TMPRSS11B: variants seen among roughly 807,000 people sequenced by gnomAD.
TMPRSS11B encodes transmembrane protease serine 11B.
In TMPRSS11B, 53 loss-of-function variants were observed where a neutral mutation model predicts 44.7. The ratio of observed to expected loss-of-function variants is 1.19; its 90% CI spans 0.95 to 1.49. TMPRSS11B has a LOEUF of 1.49. Among genes scored for constraint, TMPRSS11B ranks in the 40% most tolerant of loss-of-function variants. The pLI, the probability that TMPRSS11B is intolerant of heterozygous loss-of-function variation, is 0.00. For synonymous variants in TMPRSS11B, 140 were observed against 159.2 expected (o/e 0.88, Z 0.91); for missense variants, 526 against 494.8 (o/e 1.06, Z -0.60).
intron 4 of TMPRSS11B, among the ~76,000 whole-genome samples, chr4:68,235,388 G>A (rs1028678447): frequency 1.6e-4 from 25 of 152,144 alleles, no homozygotes; most frequent in African/African-American, 5.8e-4. Context: ...TGAGAGTTCA[G>A]AATTCCCCAG....
At chr4:68,242,328 AT>A (rs34832214) in intron 1 of TMPRSS11B, among the ~76,000 whole-genome samples, 977 of 7,914 alleles carry the variant, frequency 0.12, 30 homozygotes, top group South Asian at 0.35. Context: ...TATATATAAT[AT>A]TATATTATAT....
Position 68,234,636 on chromosome 4 carries a change from G to C in TMPRSS11B, c.309-13C>G, listed in dbSNP as rs374286253. On this transcript the variant is annotated splice_polypyrimidine_tract_variant and intron_variant, in intron 4 of 9. Coordinates refer to ENST00000332644, the MANE Select transcript of TMPRSS11B (RefSeq NM_182502.3). The stretch of plus-strand genomic sequence containing the variant: ...ATTGGCATTAGGCCTAGAAACAACA[G>C]AAATTTTCTAATGTACTGTTTCTTG... 5.8e-5 allele frequency: 93 copies of C among 1,611,664 alleles called. No individual in the cohort carries two copies. Among genetic ancestry groups the C allele is most frequent in the Non-Finnish European group, 7.5e-5 (88 of 1,179,456 alleles).
chr4:68,236,340 C>A, intron 2 of TMPRSS11B, 74 bp from the exon 3 acceptor site: 1 of 844,826 alleles, frequency 1.2e-6, no homozygotes, highest in Non-Finnish European at 1.9e-6. Flanking sequence ...TATACCTCTG[C>A]CTCAACATTC....
rs192209304 is a variant in TMPRSS11B, at chr4:68,229,552, G to T, written c.687-36C>A. ...CAATGTAATTAGAATACACTCAGTT[G>T]CTGGGTCACAACACTGTTCTTAGTG... On this transcript the variant is annotated intron_variant, in intron 7 of 9. Transcript: ENST00000332644. 1.6e-4 allele frequency: 259 copies of T among 1,583,664 alleles called. No individual in the cohort carries two copies. The African/African-American group carries it at 3.1e-3, about 19-fold the overall frequency.
At chr4:68,243,445 C>G (rs895415763) in intron 1 of TMPRSS11B, among the ~76,000 whole-genome samples, 8 of 152,116 alleles carry the variant, frequency 5.3e-5, no homozygotes, top group African/African-American at 1.9e-4. Context: ...CTTCCTTATA[C>G]CTCTTTGTCT....
rs368340618 is a variant in TMPRSS11B, at chr4:68,227,886, G to A, written c.*25C>T. On this transcript the variant is annotated 3_prime_UTR_variant, in exon 10 of 10. Transcript: ENST00000332644. ...AAGGATAGCCTACAGTGGTCTTTATGTTCCTTTGTATAATTCCTTTTTTTT... is the reference window on the plus strand; with the variant it reads ...AAGGATAGCCTACAGTGGTCTTTATATTCCTTTGTATAATTCCTTTTTTTT... The A allele has an allele frequency of 7.7e-5, 120 of 1,562,956 alleles. No individual in the cohort carries two copies. The highest frequency in any genetic ancestry group is 9.4e-5 in the Non-Finnish European group (109 of 1,158,074).
At chr4:68,232,178 T>C (rs1244061094) in intron 6 of TMPRSS11B, 200 bp downstream of exon 6, 10 of 355,292 alleles carry the variant, frequency 2.8e-5, no homozygotes, top group East Asian at 4.6e-5. Flanking sequence ...TAACTTTTTA[T>C]ATATTTTTTA....
Position 68,245,555 on chromosome 4 carries a change from A to T in TMPRSS11B, c.4T>A (p.Tyr2Asn), listed in dbSNP as rs1719977427. M[Y>N]RHGISSQRSW... ...CCCCAGTGAAGTCCCCTTTACCTGTACATAATGTTCTGATTGTTATGGCAG... is the reference window on the plus strand; with the variant it reads ...CCCCAGTGAAGTCCCCTTTACCTGTTCATAATGTTCTGATTGTTATGGCAG... Residue 2 changes from tyrosine to asparagine, a missense_variant, in exon 1 of 10, where the codon TAC (tyrosine) becomes AAC (asparagine). Transcript: ENST00000332644. The T allele has an allele frequency of 6.2e-7, 1 of 1,613,602 alleles. No homozygotes were observed. The highest frequency in any genetic ancestry group is 1.3e-5 in the African/African-American group (1 of 75,004).
intron 2 of TMPRSS11B, among the ~76,000 whole-genome samples, chr4:68,240,886 C>G (rs1043820325): frequency 6.6e-6 from 1 of 152,026 alleles, no homozygotes; most frequent in Non-Finnish European, 1.5e-5. Flanking sequence ...AGATATAAAA[C>G]TCAGAAAAAT....
Position 68,229,399 on chromosome 4 carries a change from A to C in TMPRSS11B, c.804T>G (p.His268Gln), listed in dbSNP as rs375020107. ...CAAGCTGCACAAGGGCAATATCATCATGAAGCCCAGGACTGCTATAATTTT... is the reference window on the plus strand; with the variant it reads ...CAAGCTGCACAAGGGCAATATCATCCTGAAGCCCAGGACTGCTATAATTTT... ...FHENYSSPGLHDDIALVQLAE... is the reference protein window; with the variant it reads ...FHENYSSPGLQDDIALVQLAE... Residue 268 changes from histidine to glutamine, a missense_variant, in exon 8 of 10, where the codon CAT becomes CAG. His to Gln is a conservative substitution (Grantham distance 24, BLOSUM62 0). Transcript: ENST00000332644. The C allele has an allele frequency of 6.2e-7, 1 of 1,614,108 alleles. No individual in the cohort carries two copies.
At position 68,234,507 on chromosome 4, in the gene TMPRSS11B, T is replaced by C; in HGVS notation, c.425A>G (p.Asn142Ser). Residue 142 changes from asparagine to serine, a missense_variant, in exon 5 of 10, where the codon AAC (asparagine) becomes AGC (serine). Physicochemically the swap from Asn to Ser is conservative, Grantham distance 46. Transcript: ENST00000332644. ...KAKLHQMLKN[N>S]MASWNAVPAS... The stretch of plus-strand genomic sequence containing the variant: ...AGGAACTGCATTCCAGGATGCCATG[T>C]TGTTTTTCAACATCTGATGTAATTT... The C allele has an allele frequency of 1.2e-6, 2 of 1,614,046 alleles. No homozygotes were observed. The highest frequency in any genetic ancestry group is 1.7e-6 in the Non-Finnish European group (2 of 1,179,968).
At chr4:68,235,716 A>G (rs919479478) in intron 4 of TMPRSS11B, among the ~76,000 whole-genome samples, 2 of 152,088 alleles carry the variant, frequency 1.3e-5, no homozygotes, top group Non-Finnish European at 2.9e-5. Flanking sequence ...ACCACCACCA[A>G]TAACCTTATA....
chr4:68,243,648 T>A (rs1024261156), intron 1 of TMPRSS11B, among the ~76,000 whole-genome samples: 3 of 152,180 alleles, frequency 2.0e-5, no homozygotes. Context: ...TTTATTAATA[T>A]TGGATAACAT....
At chr4:68,241,927 A>C (rs568062901) in intron 1 of TMPRSS11B, 123 bp from the exon 2 acceptor site, 1 of 626,510 alleles carries the variant, frequency 1.6e-6, no homozygotes, top group South Asian at 2.0e-5. Context: ...AGCTGAAAAC[A>C]TAGAAACCTC....
chr4:68,244,482 C>T (rs544842490), intron 1 of TMPRSS11B, among the ~76,000 whole-genome samples: 72 of 152,238 alleles, frequency 4.7e-4, no homozygotes, highest in African/African-American at 1.6e-3. Flanking sequence ...AAAAATCAGC[C>T]GGGTGTGGTG....
chr4:68,232,582 A>T (rs1369858858), intron 5 of TMPRSS11B, among the ~76,000 whole-genome samples, 166 bp from the exon 6 acceptor site: 31 of 152,232 alleles, frequency 2.0e-4, no homozygotes. Flanking sequence ...TATTTGTTAC[A>T]TTATAACCAT....
At chr4:68,233,684 C>T (rs1427546240) in intron 5 of TMPRSS11B, among the ~76,000 whole-genome samples, 1 of 151,894 alleles carries the variant, frequency 6.6e-6, no homozygotes, top group African/African-American at 2.4e-5. Context: ...TTCATGATTC[C>T]CTTGTTTTCT....
At chr4:68,242,184 C>T (rs7691640) in intron 1 of TMPRSS11B, among the ~76,000 whole-genome samples, 74,035 of 105,424 alleles carry the variant, frequency 0.7, 27,524 homozygotes, top group East Asian at 0.99. Context: ...CTTATAGACA[C>T]AATTAAATAC....
intron 2 of TMPRSS11B, among the ~76,000 whole-genome samples, chr4:68,239,703 A>G (rs1036484909): frequency 2.0e-5 from 3 of 152,172 alleles, no homozygotes; most frequent in African/African-American, 7.2e-5. Flanking sequence ...TACCTCTCTA[A>G]AACATTGTTT....
Sources: gnomAD v4.1 joint callset for allele counts (sites outside exome capture counted in the v4.1 genomes callset) on GRCh38, gnomAD v4.1.1 for gene constraint, MANE v1.5 for transcripts, NCBI Gene and HGNC (gene_info 2026-07-23, HGNC 2026-07-21) for gene names.